MMD2: variants seen among roughly 807,000 people sequenced by gnomAD.
The protein encoded by MMD2 is monocyte to macrophage differentiation associated 2.
A neutral mutation model predicts 33.5 loss-of-function variants in MMD2; 30 were observed. That is an observed-to-expected ratio of 0.90 (90% CI 0.67 to 1.22). The LOEUF (loss-of-function observed/expected upper bound fraction) is 1.22. Among genes scored for constraint, MMD2 ranks in the 50% most tolerant of loss-of-function variants. MMD2 has a pLI of 0.00. For synonymous variants in MMD2, 129 were observed against 123.0 expected (o/e 1.05, Z -0.32); for missense variants, 364 against 325.4 (o/e 1.12, Z -0.91).
chr7:4,906,639 C>T lies in MMD2; in HGVS notation c.*757G>A. On this transcript the variant is annotated 3_prime_UTR_variant, in exon 7 of 7. Coordinates refer to ENST00000401401, the MANE Select transcript of MMD2 (RefSeq NM_198403.4). ...ACATCAGGGGCTGCATGGGTGTGCG[C>T]CTCAGTTTCCCTCTACCGCCCCCAA... is the stretch of plus-strand genomic sequence containing the variant. The T allele has an allele frequency of 5.0e-6, 2 of 398,268 alleles. No homozygotes were observed. The highest frequency in any genetic ancestry group is 8.9e-6 in the Non-Finnish European group (2 of 225,924). 24.7% of individuals were successfully genotyped at this position (398,268 alleles called of 1,614,324 possible).
At chr7:4,924,088 A>G (rs1333216620) in intron 2 of MMD2, among the ~76,000 whole-genome samples, 2 of 152,118 alleles carry the variant, frequency 1.3e-5, no homozygotes, top group African/African-American at 2.4e-5. Context: ...GCTACTCGGG[A>G]GGCTGAGGCA....
chr7:4,900,379 G>C, the MMD2 span, among the ~76,000 whole-genome samples: 1 of 152,152 alleles, frequency 6.6e-6, no homozygotes, highest in African/African-American at 2.4e-5. Context: ...CTGTTATACT[G>C]GTAAAAAGGG....
chr7:4,920,360 T>G (rs989345786), intron 2 of MMD2, 29 bp from the exon 3 acceptor site: 2 of 1,593,780 alleles, frequency 1.3e-6, no homozygotes, highest in Non-Finnish European at 1.7e-6. Flanking sequence ...CAGGGACAGG[T>G]GCAGCAGCTG....
chr7:4,957,059 G>A (rs1171606536), intron 1 of MMD2, among the ~76,000 whole-genome samples: 4 of 151,830 alleles, frequency 2.6e-5, no homozygotes, highest in African/African-American at 4.8e-5. Flanking sequence ...CCAGTTACTC[G>A]GAAGGCTGAG....
intron 1 of MMD2, among the ~76,000 whole-genome samples, chr7:4,928,787 A>G (rs534515709): frequency 4.6e-4 from 70 of 151,866 alleles, no homozygotes; most frequent in African/African-American, 1.6e-3. Flanking sequence ...TGGAGCATTT[A>G]TTAAGTACCT....
At chr7:4,900,717 C>G in the MMD2 span, among the ~76,000 whole-genome samples, 29 of 152,246 alleles carry the variant, frequency 1.9e-4, no homozygotes, top group South Asian at 4.2e-4. Flanking sequence ...GCATCCCCCC[C>G]ACAACCCATA....
chr7:4,914,880 G>A (rs769485912), intron 4 of MMD2, among the ~76,000 whole-genome samples: 8 of 151,988 alleles, frequency 5.3e-5, no homozygotes, highest in Non-Finnish European at 1.0e-4. Flanking sequence ...GCAGTGAGCC[G>A]AGATCATGCC....
At chr7:4,948,053 A>G (rs1029831478) in intron 1 of MMD2, among the ~76,000 whole-genome samples, 11 of 152,072 alleles carry the variant, frequency 7.2e-5, no homozygotes, top group Non-Finnish European at 1.3e-4. Context: ...ATCTCAACCA[A>G]GGGGGATACT....
chr7:4,905,282 G>C (rs376915206), downstream of MMD2, among the ~76,000 whole-genome samples: 1 of 146,250 alleles, frequency 6.8e-6, no homozygotes, highest in Admixed American at 6.9e-5. The surrounding 1 kb of genome is among the most constrained non-coding windows in gnomAD (Gnocchi z 5.0). Flanking sequence ...AAGAGGAAGA[G>C]GAAGAAGAAG....
chr7:4,913,783 TC>T (rs566626577), intron 4 of MMD2, among the ~76,000 whole-genome samples: 204 of 140,778 alleles, frequency 1.4e-3, no homozygotes, highest in African/African-American at 5.3e-3. Flanking sequence ...TGCCTTAGCC[TC>T]CCGAGTAGTT....
At chr7:4,896,056 C>T in the MMD2 span, among the ~76,000 whole-genome samples, 1 of 152,084 alleles carries the variant, frequency 6.6e-6, no homozygotes, top group African/African-American at 2.4e-5. Flanking sequence ...CTTTTGGGAT[C>T]TGTGAGTAAC....
intron 2 of MMD2, among the ~76,000 whole-genome samples, chr7:4,923,149 A>G (rs539394973): frequency 6.6e-6 from 1 of 151,170 alleles, no homozygotes; most frequent in South Asian, 2.1e-4. Context: ...CCTGCACTCA[A>G]CTGGAGTAAA....
At chr7:4,943,470 A>G (rs1294564246) in intron 1 of MMD2, among the ~76,000 whole-genome samples, 1 of 151,780 alleles carries the variant, frequency 6.6e-6, no homozygotes, top group Non-Finnish European at 1.5e-5. Context: ...CTCACACCCT[A>G]CCCATTTCAC....
intron 1 of MMD2, among the ~76,000 whole-genome samples, chr7:4,947,183 G>A (rs770860664): frequency 3.3e-5 from 5 of 151,938 alleles, no homozygotes; most frequent in Admixed American, 2.0e-4. Flanking sequence ...ACTCCAGCCT[G>A]GGTGACAGAG....
chr7:4,954,102 G>T (rs1786323589), intron 1 of MMD2, among the ~76,000 whole-genome samples: 1 of 152,074 alleles, frequency 6.6e-6, no homozygotes, highest in African/African-American at 2.4e-5. Flanking sequence ...AAAGCACTGG[G>T]GTTACAGGCA....
chr7:4,957,452 T>C (rs1415442007), intron 1 of MMD2, among the ~76,000 whole-genome samples: 2 of 115,200 alleles, frequency 1.7e-5, no homozygotes, highest in East Asian at 3.1e-4. Context: ...ATTGAGACCA[T>C]CCTGGCTAAC....
chr7:4,920,094 G>A (rs1442278613), intron 3 of MMD2, 77 bp downstream of exon 3: 2 of 1,467,668 alleles, frequency 1.4e-6, no homozygotes, highest in Non-Finnish European at 1.8e-6. Context: ...GGATATCCTG[G>A]TTCACCCCCC....
chr7:4,954,855 T>C (rs1345212391), intron 1 of MMD2, among the ~76,000 whole-genome samples: 3 of 152,224 alleles, frequency 2.0e-5, no homozygotes, highest in African/African-American at 7.2e-5. Flanking sequence ...TTTTAATTTA[T>C]TTCATGTTTA....
At chr7:4,951,531 C>T (rs768068479) in intron 1 of MMD2, among the ~76,000 whole-genome samples, 3 of 152,096 alleles carry the variant, frequency 2.0e-5, no homozygotes, top group Non-Finnish European at 4.4e-5. Flanking sequence ...CTGCAACCTC[C>T]GAGGCTTGTC....
Sources: gnomAD v4.1 joint callset for allele counts (sites outside exome capture counted in the v4.1 genomes callset) on GRCh38, gnomAD v4.1.1 for gene constraint, Gnocchi (gnomAD v3.1) non-coding constraint, MANE v1.5 for transcripts, NCBI Gene and HGNC (gene_info 2026-07-23, HGNC 2026-07-21) for gene names.